GLIS3: variants seen among roughly 807,000 people sequenced by gnomAD.
GLIS3 encodes the protein GLIS family zinc finger 3.
GLIS3 carries 53 observed loss-of-function variants against 78.6 expected under a neutral mutation model. The observed-to-expected ratio is 0.67, with a 90% confidence interval of 0.54 to 0.85. The LOEUF (loss-of-function observed/expected upper bound fraction) is 0.85. GLIS3 is among the 40% of genes least tolerant of loss of function. The pLI is 0.00. For synonymous variants in GLIS3, 684 were observed against 509.9 expected (o/e 1.34, Z -4.60); for missense variants, 1,703 against 1,231.1 (o/e 1.38, Z -5.74).
chr9:4,415,835 A>G, the GLIS3 span, among the ~76,000 whole-genome samples: 2,525 of 152,142 alleles, frequency 0.017, 76 homozygotes, highest in African/African-American at 0.058. Flanking sequence ...TACCAAAAAG[A>G]AATACATACT....
In GLIS3 at chr9:3,919,164, C is replaced by T. The variant is rs187186903; in HGVS notation, c.1983+13196G>A. On this transcript the variant is annotated intron_variant, in intron 6 of 10. Coordinates refer to ENST00000381971, the MANE Select transcript of GLIS3 (RefSeq NM_001042413.2). ...TCCAAAGCATGGGGAAAATCTACCA[C>T]CATCTCTAACAGAGGCCACTATAGA... Among the ~76,000 whole-genome samples, 112 of 152,262 alleles carry T rather than the reference C, an allele frequency of 7.4e-4. 1 individual carries two copies. Among genetic ancestry groups the T allele is most frequent in the African/African-American group, 2.6e-3 (107 of 41,552 alleles).
At chr9:3,840,956 C>T (rs757658523) in intron 9 of GLIS3, among the ~76,000 whole-genome samples, 9 of 151,994 alleles carry the variant, frequency 5.9e-5, no homozygotes, top group Admixed American at 3.9e-4. Flanking sequence ...TTTCCAGGGA[C>T]GAGGTAGCAG....
At chr9:4,464,140 T>C in the GLIS3 span, among the ~76,000 whole-genome samples, 1 of 152,124 alleles carries the variant, frequency 6.6e-6, no homozygotes, top group South Asian at 2.1e-4. Flanking sequence ...TCAGGTTTTT[T>C]TTATTATATT....
chr9:4,136,802 T>C (rs1833440049), intron 2 of GLIS3, among the ~76,000 whole-genome samples: 1 of 152,194 alleles, frequency 6.6e-6, no homozygotes, highest in African/African-American at 2.4e-5. Flanking sequence ...CAATCAGCCC[T>C]GAAGAACTGA....
chr9:3,838,159 T>G (rs1028263901), intron 9 of GLIS3, among the ~76,000 whole-genome samples: 2 of 152,222 alleles, frequency 1.3e-5, no homozygotes, highest in African/African-American at 4.8e-5. Context: ...AGACACCTTG[T>G]CCAGTTTGTT....
At chr9:4,416,963 T>C in the GLIS3 span, among the ~76,000 whole-genome samples, 1 of 152,060 alleles carries the variant, frequency 6.6e-6, no homozygotes, top group East Asian at 1.9e-4. Flanking sequence ...TATAACCCCA[T>C]TTACGCTGAC....
At chr9:4,044,917 G>T (rs981870901) in intron 4 of GLIS3, among the ~76,000 whole-genome samples, 1 of 152,050 alleles carries the variant, frequency 6.6e-6, no homozygotes, top group Non-Finnish European at 1.5e-5. Context: ...AGTGGGTGAG[G>T]AAAAACTTTT....
intron 2 of GLIS3, among the ~76,000 whole-genome samples, chr9:4,226,173 C>A (rs1192068974): frequency 6.6e-6 from 1 of 152,108 alleles, no homozygotes; most frequent in Non-Finnish European, 1.5e-5. Flanking sequence ...CAACAGATAA[C>A]GTATTGGATA....
chr9:4,253,447 T>G (rs1374844422), intron 2 of GLIS3, among the ~76,000 whole-genome samples: 1 of 152,222 alleles, frequency 6.6e-6, no homozygotes, highest in Non-Finnish European at 1.5e-5. Context: ...TAATGGTGGA[T>G]GACGCTCCCC....
chr9:4,386,947 G>C, the GLIS3 span, among the ~76,000 whole-genome samples: 478 of 152,218 alleles, frequency 3.1e-3, 4 homozygotes, highest in African/African-American at 0.011. Flanking sequence ...TCCCTGTTGA[G>C]GATCACAGAA....
At chr9:3,860,041 C>T (rs530440984) in intron 8 of GLIS3, among the ~76,000 whole-genome samples, 17 of 151,660 alleles carry the variant, frequency 1.1e-4, no homozygotes, top group African/African-American at 2.7e-4. Flanking sequence ...TTTGGGAGGC[C>T]GAGGCGGGTG....
At chr9:4,175,263 T>C (rs1034941005) in intron 2 of GLIS3, among the ~76,000 whole-genome samples, 1 of 152,198 alleles carries the variant, frequency 6.6e-6, no homozygotes, top group Non-Finnish European at 1.5e-5. Flanking sequence ...CTGTTGATAA[T>C]GTTATTTTGT....
chr9:4,175,618 C>A (rs968283930), intron 2 of GLIS3, among the ~76,000 whole-genome samples: 4 of 152,172 alleles, frequency 2.6e-5, no homozygotes, highest in African/African-American at 9.7e-5. Context: ...AATGATCTAT[C>A]CTTCTGGGAC....
chr9:4,053,639 A>AC (rs1588550552), intron 4 of GLIS3, among the ~76,000 whole-genome samples: 1 of 147,806 alleles, frequency 6.8e-6, no homozygotes, highest in East Asian at 2.0e-4. Context: ...CAAGGCTAAA[A>AC]AAAAAAAAAA....
At chr9:3,974,605 T>G (rs765575647) in intron 4 of GLIS3, among the ~76,000 whole-genome samples, 35 of 152,246 alleles carry the variant, frequency 2.3e-4, no homozygotes, top group Middle Eastern at 6.8e-3. Context: ...AATCGCTCCC[T>G]AATGCAGAGG....
chr9:4,356,775 A>G, the GLIS3 span, among the ~76,000 whole-genome samples: 1 of 152,228 alleles, frequency 6.6e-6, no homozygotes, highest in African/African-American at 2.4e-5. Context: ...CAAAAGCTGA[A>G]AAACATCAGT....
At chr9:4,305,041 T>C (rs1443909575), upstream of GLIS3, among the ~76,000 whole-genome samples, 1 of 152,196 alleles carries the variant, frequency 6.6e-6, no homozygotes, top group Non-Finnish European at 1.5e-5. Flanking sequence ...ACATTTTTTT[T>C]CACTTCATTC....
chr9:4,485,310 C>T, the GLIS3 span, among the ~76,000 whole-genome samples: 1 of 152,144 alleles, frequency 6.6e-6, no homozygotes, highest in African/African-American at 2.4e-5. Flanking sequence ...CCACCGCGCT[C>T]AGCCCTAAGG....
chr9:3,974,243 T>C (rs904453663), intron 4 of GLIS3, among the ~76,000 whole-genome samples: 9 of 152,150 alleles, frequency 5.9e-5, no homozygotes, highest in African/African-American at 2.2e-4. Context: ...TAATGAATGG[T>C]TTCTACTGCA....
Sources: gnomAD v4.1 joint callset for allele counts (sites outside exome capture counted in the v4.1 genomes callset) on GRCh38, gnomAD v4.1.1 for gene constraint, MANE v1.5 for transcripts, NCBI Gene and HGNC (gene_info 2026-07-23, HGNC 2026-07-21) for gene names.